The following GSK3B variants were observed in gnomAD, a reference collection of about 807,000 sequenced individuals.
GSK3B encodes the protein glycogen synthase kinase-3 beta.
GSK3B carries 15 observed loss-of-function variants against 56.4 expected under a neutral mutation model. The observed-to-expected ratio is 0.27, with a 90% confidence interval of 0.18 to 0.41. The LOEUF (loss-of-function observed/expected upper bound fraction) is 0.41. Among genes scored for constraint, GSK3B ranks in the 10% least tolerant of loss-of-function variants. The pLI is 1.00. For missense variants in GSK3B, 300 were observed against 513.4 expected (o/e 0.58, Z 4.02); for synonymous variants, 181 against 188.9 (o/e 0.96, Z 0.34).
intron 1 of GSK3B, among the ~76,000 whole-genome samples, chr3:120,062,410 T>C (rs2058245172): frequency 6.6e-6 from 1 of 152,102 alleles, no homozygotes; most frequent in Non-Finnish European, 1.5e-5. Context: ...TATTTAAAGA[T>C]AAAACACTAA....
At chr3:120,026,169 G>A (rs1437950751) in intron 1 of GSK3B, among the ~76,000 whole-genome samples, 2 of 152,072 alleles carry the variant, frequency 1.3e-5, no homozygotes, top group Middle Eastern at 3.4e-3. Flanking sequence ...AACACTCAAG[G>A]CTAACAAGCG....
At chr3:120,067,622 G>A (rs774343639) in intron 1 of GSK3B, among the ~76,000 whole-genome samples, 3 of 152,044 alleles carry the variant, frequency 2.0e-5, no homozygotes, top group African/African-American at 2.4e-5. Flanking sequence ...TCATGAATTC[G>A]GGATCACCTG....
chr3:119,926,031 C>T (rs2056886167), intron 3 of GSK3B, among the ~76,000 whole-genome samples: 1 of 152,054 alleles, frequency 6.6e-6, no homozygotes, highest in Admixed American at 6.6e-5. Flanking sequence ...CTACAGACAA[C>T]TCTTCTTTTC....
At chr3:120,059,845 T>C (rs1385740772) in intron 1 of GSK3B, among the ~76,000 whole-genome samples, 1 of 152,224 alleles carries the variant, frequency 6.6e-6, no homozygotes, top group African/African-American at 2.4e-5. Flanking sequence ...TACAATGAAC[T>C]AGCCATACTA....
intron 1 of GSK3B, among the ~76,000 whole-genome samples, chr3:120,007,852 C>T (rs1180843533): frequency 3.9e-5 from 6 of 152,250 alleles, no homozygotes; most frequent in South Asian, 4.1e-4. Context: ...CTTTGAAAAC[C>T]GGCACAAGAC....
rs1371777856 is a variant in GSK3B, at chr3:120,093,561, T to C, written c.-127A>G. ...TCCCACAGAAGAAAAAGAAAAAGAC[T>C]TCGTCCTCTTGGCTTTTCACTCCTT... On this transcript the variant is annotated 5_prime_UTR_variant, in exon 1 of 11. Coordinates refer to ENST00000264235, the MANE Select transcript of GSK3B (RefSeq NM_001146156.2). 5 of 638,772 alleles carry C rather than the reference T, an allele frequency of 7.8e-6. No homozygotes were observed. Among genetic ancestry groups the C allele is most frequent in the Non-Finnish European group, 1.4e-5 (5 of 357,184 alleles). 39.6% of individuals were successfully genotyped at this position (638,772 alleles called of 1,614,324 possible).
At chr3:120,074,132 C>T (rs1025717820) in intron 1 of GSK3B, among the ~76,000 whole-genome samples, 1 of 151,958 alleles carries the variant, frequency 6.6e-6, no homozygotes, top group Non-Finnish European at 1.5e-5. Context: ...TGGTGAAACA[C>T]TCTCTCTACA....
intron 2 of GSK3B, among the ~76,000 whole-genome samples, chr3:119,973,490 T>A (rs2057385416): frequency 6.6e-6 from 1 of 152,198 alleles, no homozygotes; most frequent in South Asian, 2.1e-4. Flanking sequence ...CACAGCAGAT[T>A]ATTCTCCTAC....
In GSK3B at chr3:120,093,354, T is replaced by C; in HGVS notation, c.81A>G (p.Lys27=). 6.2e-7 allele frequency: 1 copy of C among 1,610,974 alleles called. No homozygotes were observed. Among genetic ancestry groups the C allele is most frequent in the Non-Finnish European group, 8.5e-7 (1 of 1,177,160 alleles). The stretch of plus-strand genomic sequence containing the variant: ...AATAAAACCAATACTCACTGCTAAC[T>C]TTCATGCTGCCAAAAGCTGAAGGCT... The part of the protein sequence containing the change: ...VQQPSAFGSM[K]VSRDKDGSKV... Residue 27 remains lysine (K), a synonymous_variant, in exon 1 of 11, where the codon AAA becomes AAG. Coordinates refer to ENST00000264235, the MANE Select transcript of GSK3B (RefSeq NM_001146156.2).
chr3:119,984,329 T>C (rs140899221), intron 2 of GSK3B, among the ~76,000 whole-genome samples: 1,481 of 146,608 alleles, frequency 0.01, 4 homozygotes, highest in Non-Finnish European at 0.015. Flanking sequence ...ATTCAAAAGC[T>C]AGCAAAAGGC....
chr3:119,836,147 GAAGAACA>G (rs2055687075), intron 10 of GSK3B, among the ~76,000 whole-genome samples: 1 of 152,196 alleles, frequency 6.6e-6, no homozygotes, highest in African/African-American at 2.4e-5. Flanking sequence ...TTAGAAGTTT[GAAGAACA>G]AATAGGTATG....
intron 7 of GSK3B, among the ~76,000 whole-genome samples, chr3:119,888,096 T>C (rs142661056): frequency 6.6e-6 from 1 of 152,222 alleles, no homozygotes; most frequent in Non-Finnish European, 1.5e-5. Flanking sequence ...AGTTCAGGAT[T>C]AAAGAAAGAC....
intron 2 of GSK3B, among the ~76,000 whole-genome samples, chr3:119,998,524 A>C (rs1400816054): frequency 2.0e-5 from 3 of 152,242 alleles, no homozygotes; most frequent in African/African-American, 7.2e-5. Flanking sequence ...CAACGCACAG[A>C]AGCACTGAGA....
chr3:119,858,368 T>G (rs978199831), intron 9 of GSK3B, among the ~76,000 whole-genome samples: 1 of 152,246 alleles, frequency 6.6e-6, no homozygotes, highest in Non-Finnish European at 1.5e-5. Flanking sequence ...AGAGGTCTTC[T>G]GGATAATTTG....
intron 5 of GSK3B, among the ~76,000 whole-genome samples, chr3:119,913,766 A>C (rs930765358): frequency 6.6e-6 from 1 of 152,050 alleles, no homozygotes; most frequent in Non-Finnish European, 1.5e-5. Flanking sequence ...TTTCTAGTCA[A>C]TGATGACTCT....
chr3:119,903,399 C>G (rs1211171913), intron 7 of GSK3B, among the ~76,000 whole-genome samples: 2 of 152,142 alleles, frequency 1.3e-5, no homozygotes, highest in African/African-American at 2.4e-5. Context: ...AGTATAAATG[C>G]AAGATGACAG....
chr3:119,997,404 G>T (rs952409247), intron 2 of GSK3B, among the ~76,000 whole-genome samples: 2 of 152,028 alleles, frequency 1.3e-5, no homozygotes, highest in African/African-American at 4.8e-5. Flanking sequence ...AAGAGCAACA[G>T]AAAAATTACT....
At chr3:120,007,289 G>GCC (rs1559873807) in intron 1 of GSK3B, among the ~76,000 whole-genome samples, 1 of 152,108 alleles carries the variant, frequency 6.6e-6, no homozygotes, top group East Asian at 1.9e-4. Context: ...ACCAAAAAAA[G>GCC]TCCAGGACCA....
chr3:120,092,202 A>G (rs141569597), intron 1 of GSK3B, among the ~76,000 whole-genome samples: 231 of 152,340 alleles, frequency 1.5e-3, no homozygotes, highest in Middle Eastern at 3.4e-3. Context: ...ACACTGGAAC[A>G]TTAGATACTT....
Sources: gnomAD v4.1 joint callset for allele counts (sites outside exome capture counted in the v4.1 genomes callset) on GRCh38, gnomAD v4.1.1 for gene constraint, MANE v1.5 for transcripts, NCBI Gene and HGNC (gene_info 2026-07-23, HGNC 2026-07-21) for gene names.